WASF1: variants seen among roughly 807,000 people sequenced by gnomAD.
WASF1 encodes WASP family member 1, also known as actin-binding protein WASF1.
WASF1 carries 7 observed loss-of-function variants against 50.5 expected under a neutral mutation model. The observed-to-expected ratio is 0.14, with a 90% CI of 0.08 to 0.26. WASF1 has a LOEUF of 0.26. Ranked by LOEUF, WASF1 falls within the 10% of genes least tolerant of loss-of-function variation. The probability of loss-of-function intolerance (pLI) is 1.00; values close to 1 mark genes in which losing one functional copy is unlikely to be tolerated. For synonymous variants in WASF1, 205 were observed against 244.0 expected (o/e 0.84, Z 1.49); for missense variants, 470 against 694.7 (o/e 0.68, Z 3.64).
At chr6:110,138,691 G>T (rs1388746409) in intron 3 of WASF1, among the ~76,000 whole-genome samples, 1 of 152,216 alleles carries the variant, frequency 6.6e-6, no homozygotes, top group African/African-American at 2.4e-5. Flanking sequence ...AAAGTGGGTA[G>T]CTCCTTCCTG....
chr6:110,144,890 C>G (rs1170639085), intron 3 of WASF1, among the ~76,000 whole-genome samples: 2 of 152,186 alleles, frequency 1.3e-5, no homozygotes, highest in East Asian at 3.9e-4. Flanking sequence ...AGTCAGGTAG[C>G]GTGACGCCTC....
chr6:110,145,056 G>C (rs1446413264), intron 3 of WASF1, among the ~76,000 whole-genome samples: 1 of 152,094 alleles, frequency 6.6e-6, no homozygotes, highest in African/African-American at 2.4e-5. Context: ...GGGCAGTATG[G>C]CCATTTTCAC....
chr6:110,176,663 G>A (rs576259425), intron 2 of WASF1, among the ~76,000 whole-genome samples: 28 of 152,078 alleles, frequency 1.8e-4, no homozygotes, highest in Admixed American at 1.6e-3. Flanking sequence ...TTGAGCCCCT[G>A]CTATTTGTTA....
intron 3 of WASF1, among the ~76,000 whole-genome samples, chr6:110,146,416 C>A (rs1348143774): frequency 6.6e-6 from 1 of 151,532 alleles, no homozygotes; most frequent in African/African-American, 2.4e-5. Context: ...AAATAATTTT[C>A]TTAATAAACT....
At chr6:110,150,671 T>C (rs1363802006) in intron 3 of WASF1, among the ~76,000 whole-genome samples, 1 of 148,288 alleles carries the variant, frequency 6.7e-6, no homozygotes, top group Non-Finnish European at 1.5e-5. Flanking sequence ...GAATAAAAGA[T>C]TTTTTAAAAA....
intron 4 of WASF1, among the ~76,000 whole-genome samples, chr6:110,117,286 T>G (rs935126875): frequency 3.9e-5 from 6 of 152,122 alleles, no homozygotes; most frequent in Admixed American, 3.9e-4. Context: ...GATAAATGGC[T>G]AACTAGAATA....
intron 4 of WASF1, among the ~76,000 whole-genome samples, chr6:110,115,108 G>GAA (rs879806641): frequency 5.7e-5 from 4 of 70,630 alleles, no homozygotes; most frequent in Admixed American, 1.5e-4. Context: ...CTCTCTCAAA[G>GAA]AAAAAAAAAA....
At chr6:110,176,664 C>CTAT (rs1364366952) in intron 2 of WASF1, among the ~76,000 whole-genome samples, 1 of 152,030 alleles carries the variant, frequency 6.6e-6, no homozygotes, top group African/African-American at 2.4e-5. Context: ...TGAGCCCCTG[C>CTAT]TATTTGTTAA....
intron 2 of WASF1, among the ~76,000 whole-genome samples, chr6:110,174,595 C>T (rs1376336876): frequency 6.6e-6 from 1 of 152,180 alleles, no homozygotes; most frequent in Non-Finnish European, 1.5e-5. Flanking sequence ...GAACAAACAA[C>T]TTGTTCAATT....
intron 2 of WASF1, among the ~76,000 whole-genome samples, chr6:110,168,233 A>G (rs1441289586): frequency 1.3e-5 from 2 of 152,108 alleles, no homozygotes; most frequent in Non-Finnish European, 2.9e-5. Context: ...TATGAAATAC[A>G]TATTGAAATT....
intron 4 of WASF1, among the ~76,000 whole-genome samples, chr6:110,114,506 T>A (rs1773705970): frequency 6.6e-6 from 1 of 152,168 alleles, no homozygotes. Context: ...CTTTTAATCT[T>A]GTATCAAAAT....
At chr6:110,123,066 AC>A (rs1210817216) in intron 4 of WASF1, among the ~76,000 whole-genome samples, 1 of 152,198 alleles carries the variant, frequency 6.6e-6, no homozygotes, top group African/African-American at 2.4e-5. Context: ...ATATCTGTCC[AC>A]CTGATGAGGG....
chr6:110,134,884 G>GT lies in WASF1; in HGVS notation c.-28-7256dup, dbSNP rs201994950. On this transcript the variant is annotated intron_variant, in intron 3 of 10. Coordinates refer to ENST00000392589, the MANE Select transcript of WASF1 (RefSeq NM_003931.3). ...TTTTGGTTCCATATGAATTTTGGGA[G>GT]TTTTTTTTCTAGTTCTGTGAAGAAT... Among the ~76,000 whole-genome samples the GT allele has an allele frequency of 8.6e-3, 1,304 of 151,886 alleles. 9 individuals carry two copies. Among genetic ancestry groups the GT allele is most frequent in the Middle Eastern group, 0.027 (8 of 294 alleles).
Position 110,100,367 on chromosome 6 carries a change from A to G in WASF1, c.*155T>C. On this transcript the variant is annotated 3_prime_UTR_variant, in exon 11 of 11. Coordinates refer to ENST00000392589, the MANE Select transcript of WASF1 (RefSeq NM_003931.3). The stretch of plus-strand genomic sequence containing the variant: ...AAACATTTAGTTTGAAATGTATGCT[A>G]ATATTTTCCTTAGAAATCAAAAGTT... 1.4e-6 allele frequency: 1 copy of G among 697,162 alleles called. No homozygotes were observed. The highest frequency in any genetic ancestry group is 2.6e-5 in the South Asian group (1 of 38,770). The allele number at this position is 697,162 out of a possible 1,614,324, so 43.2% of individuals were successfully genotyped here.
At chr6:110,152,721 A>G (rs1021695413) in intron 3 of WASF1, among the ~76,000 whole-genome samples, 2 of 152,216 alleles carry the variant, frequency 1.3e-5, no homozygotes, top group South Asian at 2.1e-4. Context: ...TTATAGGACT[A>G]TAAGATAATT....
At chr6:110,140,055 G>T (rs891273238) in intron 3 of WASF1, among the ~76,000 whole-genome samples, 1 of 152,126 alleles carries the variant, frequency 6.6e-6, no homozygotes, top group African/African-American at 2.4e-5. Context: ...TAGGATTGGG[G>T]CTGGTCACCT....
intron 4 of WASF1, among the ~76,000 whole-genome samples, chr6:110,117,460 T>TA (rs914912107): frequency 2.0e-5 from 3 of 151,572 alleles, no homozygotes; most frequent in East Asian, 1.9e-4. Context: ...AAAGATCAGA[T>TA]AAAAAAAGAG....
chr6:110,166,258 C>A (rs1776473356), intron 2 of WASF1, among the ~76,000 whole-genome samples: 1 of 151,394 alleles, frequency 6.6e-6, no homozygotes, highest in Non-Finnish European at 1.5e-5. Flanking sequence ...AAATGCCCTA[C>A]AATAATTCTC....
At chr6:110,172,011 A>G (rs542701607) in intron 2 of WASF1, among the ~76,000 whole-genome samples, 143 of 152,332 alleles carry the variant, frequency 9.4e-4, no homozygotes, top group African/African-American at 2.8e-3. Context: ...TAGAATGACA[A>G]TCATTAAAAA....
Sources: gnomAD v4.1 joint callset for allele counts (sites outside exome capture counted in the v4.1 genomes callset) on GRCh38, gnomAD v4.1.1 for gene constraint, MANE v1.5 for transcripts, NCBI Gene and HGNC (gene_info 2026-07-23, HGNC 2026-07-21) for gene names.